The following IDE variants were observed in gnomAD, a reference collection of about 807,000 sequenced individuals.
IDE encodes insulin-degrading enzyme.
A neutral mutation model predicts 133.2 loss-of-function variants in IDE; 58 were observed. That is an observed-to-expected ratio of 0.44 (90% CI 0.35 to 0.54). The LOEUF (loss-of-function observed/expected upper bound fraction) is 0.54, where lower values mean the gene tolerates loss of function less well. IDE is among the 20% of genes least tolerant of loss of function. IDE has a pLI of 0.00. For missense variants in IDE, 981 were observed against 1,234.0 expected (o/e 0.79, Z 3.07); for synonymous variants, 396 against 421.3 (o/e 0.94, Z 0.73).
At chr10:92,468,825 C>A in intron 19 of IDE, 54 bp downstream of exon 19, 1 of 912,694 alleles carries the variant, frequency 1.1e-6, no homozygotes, top group Non-Finnish European at 1.8e-6. Context: ...CTGTAATCAC[C>A]CACACTGTTA....
intron 4 of IDE, among the ~76,000 whole-genome samples, chr10:92,519,382 T>A (rs1849096813): frequency 6.6e-6 from 1 of 152,212 alleles, no homozygotes; most frequent in Non-Finnish European, 1.5e-5. Flanking sequence ...AAAATGCTGC[T>A]ACTTGTACTA....
At position 92,487,218 on chromosome 10, in the gene IDE, G is replaced by A; in HGVS notation, c.1634C>T (p.Thr545Ile). The change falls in exon 13 of 25, where the codon ACA (threonine) becomes ATA (isoleucine). Residue 545 changes from threonine (T) to isoleucine (I), a missense_variant. Thr to Ile is a moderately conservative substitution (Grantham distance 89, BLOSUM62 -1). Around this residue, in one of 2 missense-constraint regions of IDE, gnomAD observed 660 missense variants for 894.7 expected, o/e 0.74. Coordinates refer to ENST00000265986, the MANE Select transcript of IDE (RefSeq NM_004969.4). ...FEILPLEKEA[T>I]PYPALIKDTA... ...TACCTTAATAAGAGCAGGGTATGGT[G>A]TCGCCTCTTTTTCTAACGGTAAAAT... 2 of 1,613,408 alleles carry A rather than the reference G, an allele frequency of 1.2e-6. No individual in the cohort carries two copies. Among genetic ancestry groups the A allele is most frequent in the Non-Finnish European group, 1.7e-6 (2 of 1,179,682 alleles).
chr10:92,530,127 G>A (rs546797167), intron 4 of IDE, among the ~76,000 whole-genome samples: 19 of 152,206 alleles, frequency 1.2e-4, no homozygotes, highest in African/African-American at 4.3e-4. Context: ...TCAGGAGGCT[G>A]AGGCAGGAGA....
intron 4 of IDE, among the ~76,000 whole-genome samples, chr10:92,528,336 G>C (rs1355527609): frequency 1.3e-5 from 2 of 151,994 alleles, no homozygotes; most frequent in African/African-American, 2.4e-5. Context: ...TCATGGATGA[G>C]TGCTGTGTTT....
chr10:92,507,362 A>T (rs1848347193), intron 9 of IDE, among the ~76,000 whole-genome samples: 1 of 152,208 alleles, frequency 6.6e-6, no homozygotes, highest in Admixed American at 6.5e-5. Flanking sequence ...AAAAAGGGCT[A>T]CACGATGCCT....
chr10:92,571,142 G>C (rs1464741135), intron 1 of IDE, among the ~76,000 whole-genome samples: 1 of 151,570 alleles, frequency 6.6e-6, no homozygotes, highest in African/African-American at 2.4e-5. Flanking sequence ...CTCATGAGTA[G>C]CTGGGATTAC....
At chr10:92,528,847 C>T (rs1449351611) in intron 4 of IDE, among the ~76,000 whole-genome samples, 5 of 152,040 alleles carry the variant, frequency 3.3e-5, no homozygotes, top group Non-Finnish European at 7.4e-5. Context: ...AAGGCTGAGG[C>T]GGGCAGATCA....
intron 3 of IDE, among the ~76,000 whole-genome samples, chr10:92,533,980 A>G (rs1203742227): frequency 6.6e-6 from 1 of 151,970 alleles, no homozygotes; most frequent in Non-Finnish European, 1.5e-5. Flanking sequence ...CCAAGACTGC[A>G]CCATTGCATT....
intron 2 of IDE, among the ~76,000 whole-genome samples, chr10:92,535,520 C>G (rs1346042945): frequency 6.6e-6 from 1 of 152,130 alleles, no homozygotes; most frequent in Admixed American, 6.5e-5. Context: ...CAATACTGTA[C>G]CTATCTTGAC....
intron 14 of IDE, among the ~76,000 whole-genome samples, chr10:92,481,873 T>C (rs1359807408): frequency 1.3e-5 from 2 of 152,206 alleles, no homozygotes; most frequent in African/African-American, 4.8e-5. Flanking sequence ...TTCATCATCA[T>C]AGAGGCCAAA....
chr10:92,479,332 G>A lies in IDE; in HGVS notation c.1829C>T (p.Ala610Val), dbSNP rs374338329. 9 of 1,613,464 alleles carry A rather than the reference G, an allele frequency of 5.6e-6. No homozygotes were observed. The African/African-American group carries it at 1.2e-4, about 22-fold the overall frequency. ...LKDSLNEYAYAAELAGLSYDL... is the reference protein window; with the variant it reads ...LKDSLNEYAYVAELAGLSYDL... ...ATAGCTCAAGCCTGCTAGCTCTGCT[G>A]CATATGCATACTCGTTGAGTGAGTC... The change falls in exon 15 of 25, where the codon GCA (alanine) becomes GTA (valine). Residue 610 changes from alanine (A) to valine (V), a missense_variant. This residue lies in a region of IDE where 660 missense variants were observed against 894.7 expected (regional missense o/e 0.74). Transcript: ENST00000265986.
chr10:92,534,831 AAGTT>A, intron 2 of IDE, 46 bp from the exon 3 acceptor site: 1 of 1,398,734 alleles, frequency 7.1e-7, no homozygotes. Flanking sequence ...CCTATGCTGA[AAGTT>A]AGTAAGTACA....
chr10:92,466,668 A>AG lies in IDE; in HGVS notation c.2321-826dup, dbSNP rs1300544632. On this transcript the variant is annotated intron_variant, in intron 19 of 24. Coordinates refer to ENST00000265986, the MANE Select transcript of IDE (RefSeq NM_004969.4). ...AGTCTGGCTCTGTCACCCAGGCTGG[A>AG]GTGCAGTGGTGCAATCTCGGCTCAC... 5.6e-5 allele frequency among the ~76,000 whole-genome samples: 8 copies of AG among 143,498 alleles called. 1 individual carries two copies. In the Admixed American group the frequency reaches 5.8e-4, roughly 10 times the overall value. 94.1% of individuals were successfully genotyped at this position (143,498 alleles called of 152,430 possible).
chr10:92,542,374 C>T (rs1842349675), intron 1 of IDE, among the ~76,000 whole-genome samples: 1 of 152,244 alleles, frequency 6.6e-6, no homozygotes, highest in Non-Finnish European at 1.5e-5. Flanking sequence ...AGACTGGTCT[C>T]GAACTCCTGG....
At chr10:92,567,683 T>C (rs938222488) in intron 1 of IDE, among the ~76,000 whole-genome samples, 1 of 152,196 alleles carries the variant, frequency 6.6e-6, no homozygotes, top group Non-Finnish European at 1.5e-5. Context: ...CTATCTAAAA[T>C]ATTTTCTCTT....
chr10:92,463,866 C>A lies in IDE; in HGVS notation c.2626G>T (p.Asp876Tyr), dbSNP rs1213123176. 1 of 1,614,070 alleles carries A rather than the reference C, an allele frequency of 6.2e-7. No individual in the cohort carries two copies. The highest frequency in any genetic ancestry group is 8.5e-7 in the Non-Finnish European group (1 of 1,180,044). Reference protein sequence around the residue: ...FLITMEKSIEDMTEEAFQKHI... With the variant: ...FLITMEKSIEYMTEEAFQKHI... ...TTTTGGAAGGCCTCTTCTGTCATGT[C>A]CTCTATGGACTTTTCCATGGTAATT... The change falls in exon 21 of 25, where the codon GAC becomes TAC. Residue 876 changes from aspartate to tyrosine, a missense_variant. Physicochemically the swap from Asp to Tyr is radical, Grantham distance 160. Coordinates refer to ENST00000265986, the MANE Select transcript of IDE (RefSeq NM_004969.4).
At chr10:92,454,891 C>G (rs887051396) in intron 24 of IDE, among the ~76,000 whole-genome samples, 1 of 152,068 alleles carries the variant, frequency 6.6e-6, no homozygotes, top group Non-Finnish European at 1.5e-5. Context: ...CCACAAAAAG[C>G]CTAGTTACAC....
intron 11 of IDE, among the ~76,000 whole-genome samples, chr10:92,498,708 ATCGTGCCATTGCAC>A (rs1847855826): frequency 6.6e-6 from 1 of 152,210 alleles, no homozygotes; most frequent in South Asian, 2.1e-4. Context: ...GTGAGCCAAG[ATCGTGCCATTGCAC>A]TCCAGCCTAG....
In IDE at chr10:92,510,128, C is replaced by G; in HGVS notation, c.819G>C (p.Lys273Asn). 6.3e-7 allele frequency: 1 copy of G among 1,599,214 alleles called. No individual in the cohort carries two copies. The highest frequency in any genetic ancestry group is 8.6e-7 in the Non-Finnish European group (1 of 1,168,154). The change falls in exon 6 of 25, where the codon AAG becomes AAC. Residue 273 changes from lysine to asparagine, a missense_variant. Around this residue, in one of 2 missense-constraint regions of IDE, gnomAD observed 321 missense variants for 339.3 expected, o/e 0.95. Coordinates refer to ENST00000265986, the MANE Select transcript of IDE (RefSeq NM_004969.4). The stretch of plus-strand genomic sequence containing the variant: ...TTTTGTTCTCTACTTCAGAAAATAA[C>G]TTTACCACCAGATTAGTCAAGTCAT... ...SLDDLTNLVV[K>N]LFSEVENKNV...
Sources: gnomAD v4.1 joint callset for allele counts (sites outside exome capture counted in the v4.1 genomes callset) on GRCh38, gnomAD v4.1.1 for gene constraint, gnomAD v4.1.1 regional missense constraint, MANE v1.5 for transcripts, NCBI Gene and HGNC (gene_info 2026-07-23, HGNC 2026-07-21) for gene names.